Variants in CHUK observed in about 807,000 individuals in gnomAD.
CHUK encodes the protein component of inhibitor of nuclear factor kappa B kinase complex.
A neutral mutation model predicts 104.8 loss-of-function variants in CHUK; 35 were observed. That is an observed-to-expected ratio of 0.33 (90% CI 0.26 to 0.44). CHUK has a LOEUF of 0.44. Ranked by LOEUF, CHUK falls within the 20% of genes least tolerant of loss-of-function variation. The pLI is 1.00. For missense variants in CHUK, 663 were observed against 902.7 expected, an observed-to-expected ratio of 0.73 and a Z score of 3.40; for synonymous variants, 276 against 291.9, an observed-to-expected ratio of 0.95 and a Z score of 0.56.
chr10:100,194,318 A>C (rs1204398171), intron 17 of CHUK, 107 bp downstream of exon 17: 1 of 1,069,228 alleles, frequency 9.4e-7, no homozygotes, highest in African/African-American at 1.6e-5. Context: ...GTACCTTCAG[A>C]ATTCTTCCTG....
chr10:100,200,471 C>A (rs1845435205), intron 15 of CHUK, among the ~76,000 whole-genome samples, 200 bp downstream of exon 15: 1 of 151,952 alleles, frequency 6.6e-6, no homozygotes, highest in Non-Finnish European at 1.5e-5. Context: ...TTATTAAAAA[C>A]CAAAAAAGGC....
At chr10:100,219,609 A>G (rs1442213173) in intron 5 of CHUK, among the ~76,000 whole-genome samples, 2 of 152,226 alleles carry the variant, frequency 1.3e-5, no homozygotes, top group Admixed American at 6.5e-5. Context: ...TTAGGATCCA[A>G]TGAAATAACG....
intron 9 of CHUK, among the ~76,000 whole-genome samples, chr10:100,211,515 A>G (rs1366895383): frequency 2.0e-5 from 3 of 152,146 alleles, no homozygotes; most frequent in East Asian, 3.9e-4. Flanking sequence ...CCTGGCAACT[A>G]TGATGCTATG....
Position 100,188,380 on chromosome 10 carries a change from A to C in CHUK, c.*1218T>G, listed in dbSNP as rs1375678865. 2.0e-5 allele frequency: 3 copies of C among 152,666 alleles called. No homozygotes were observed. The highest frequency in any genetic ancestry group is 1.5e-5 in the Non-Finnish European group (1 of 68,040). The allele number at this position is 152,666 out of a possible 1,614,324, so 9.5% of individuals were successfully genotyped here. On this transcript the variant is annotated 3_prime_UTR_variant, in exon 21 of 21. Transcript: ENST00000370397. The stretch of plus-strand genomic sequence containing the variant: ...AGATCAAGAAAGTAATTTAAAAACC[A>C]TTTAATACACAAAGTGAAAAACTAT...
At chr10:100,221,960 A>G (rs188563228) in intron 4 of CHUK, 152 bp downstream of exon 4, 1 of 578,588 alleles carries the variant, frequency 1.7e-6, no homozygotes, top group East Asian at 3.0e-5. Context: ...TTAATTTAGC[A>G]TCAATAGTAA....
At chr10:100,213,994 T>TA (rs1329957525) in intron 9 of CHUK, among the ~76,000 whole-genome samples, 3 of 152,194 alleles carry the variant, frequency 2.0e-5, no homozygotes, top group Non-Finnish European at 4.4e-5. Flanking sequence ...TCAAAACTGA[T>TA]ACGGATTTGC....
chr10:100,189,041 T>C lies in CHUK; in HGVS notation c.*557A>G, dbSNP rs1366296327. ...GTTAAATTTTCAGTGGAATTTAAAATGATTACACCAACTCCTTATGATGCC... is the reference window on the plus strand; with the variant it reads ...GTTAAATTTTCAGTGGAATTTAAAACGATTACACCAACTCCTTATGATGCC... On this transcript the variant is annotated 3_prime_UTR_variant, in exon 21 of 21. Coordinates refer to ENST00000370397, the MANE Select transcript of CHUK (RefSeq NM_001278.5). The C allele has an allele frequency of 6.5e-6, 1 of 152,764 alleles. No individual in the cohort carries two copies. Among genetic ancestry groups the C allele is most frequent in the Non-Finnish European group, 1.5e-5 (1 of 68,430 alleles). 9.5% of individuals were successfully genotyped at this position (152,764 alleles called of 1,614,324 possible).
chr10:100,188,683 A>C lies in CHUK; in HGVS notation c.*915T>G, dbSNP rs988140689. 6.6e-6 allele frequency: 1 copy of C among 152,268 alleles called. No homozygotes were observed. Among genetic ancestry groups the C allele is most frequent in the Non-Finnish European group, 1.5e-5 (1 of 68,034 alleles). The allele number at this position is 152,268 out of a possible 1,614,324, so 9.4% of individuals were successfully genotyped here. ...GGATAAAAAGATTCAAGGTCAGTTCAGATTAGATTGCAAGCAAATGAATTT... is the reference window on the plus strand; with the variant it reads ...GGATAAAAAGATTCAAGGTCAGTTCCGATTAGATTGCAAGCAAATGAATTT... On this transcript the variant is annotated 3_prime_UTR_variant, in exon 21 of 21. Coordinates refer to ENST00000370397, the MANE Select transcript of CHUK (RefSeq NM_001278.5).
In CHUK at chr10:100,205,077, T is replaced by C; in HGVS notation, c.1354A>G (p.Met452Val). 1 of 1,614,148 alleles carries C rather than the reference T, an allele frequency of 6.2e-7. No individual in the cohort carries two copies. Among genetic ancestry groups the C allele is most frequent in the Non-Finnish European group, 8.5e-7 (1 of 1,179,994 alleles). ...TTATAAACAACAGAATCCACTTACA[T>C]TGCTGCCCTTTGTCCCTGAAAGAGC... ...SRLFQGQRAA[M>V]LSLLRYNANL... The change falls in exon 12 of 21, where the codon ATG becomes GTG. Residue 452 changes from methionine (M) to valine (V), a missense_variant and splice_region_variant. Physicochemically the swap from Met to Val is conservative, Grantham distance 21. This residue lies in a region of CHUK where 311 missense variants were observed against 393.4 expected (regional missense o/e 0.79). Coordinates refer to ENST00000370397, the MANE Select transcript of CHUK (RefSeq NM_001278.5).
intron 9 of CHUK, among the ~76,000 whole-genome samples, chr10:100,213,486 CA>C (rs112195586): frequency 0.1 from 12,768 of 125,672 alleles, 699 homozygotes; most frequent in African/African-American, 0.18. Context: ...ACTCTTATCT[CA>C]AAAAAAAAAA....
intron 9 of CHUK, among the ~76,000 whole-genome samples, chr10:100,215,489 A>C (rs1414911296): frequency 6.6e-6 from 1 of 152,114 alleles, no homozygotes; most frequent in Non-Finnish European, 1.5e-5. Flanking sequence ...GAAGAGACTC[A>C]GAATATAGTT....
chr10:100,209,687 C>T lies in CHUK; in HGVS notation c.1036G>A (p.Gly346Arg), dbSNP rs775436091. 9 of 1,591,696 alleles carry T rather than the reference C, an allele frequency of 5.7e-6. No homozygotes were observed. In the African/African-American group the frequency reaches 1.1e-4, roughly 19 times the overall value. ...SLQSRIERET[G>R]INTGSQELLS... ...AGTTCTTGAGAACCAGTATTTATTC[C>T]AGTTTCACGCTCAATACGAGACTGT... The change falls in exon 10 of 21, where the codon GGA becomes AGA. Residue 346 changes from glycine to arginine, a missense_variant. Transcript: ENST00000370397.
rs755945163 is a variant in CHUK at position 100,200,013 on chromosome 10, G to A, written c.1687C>T (p.Arg563Cys). Residue 563 changes from arginine (R) to cysteine (C), a missense_variant, in exon 16 of 21, where the codon CGT becomes TGT. Arg to Cys is a radical substitution (Grantham distance 180). Transcript: ENST00000370397. ...AACTGCTTATATAGATCAATGGCAC[G>A]CTGTTCCCTATAAAAGAGAAAACAC... ...QGDLMESLEQ[R>C]AIDLYKQLKH... is the part of the protein sequence containing the mutation. 39 of 1,610,802 alleles carry A rather than the reference G, an allele frequency of 2.4e-5. No individual in the cohort carries two copies. In the Admixed American group the frequency reaches 5.0e-4, roughly 21 times the overall value.
At position 100,202,102 on chromosome 10, in the gene CHUK, T is replaced by C. The variant is rs373881321; in HGVS notation, c.1555A>G (p.Ile519Val). Residue 519 changes from isoleucine to valine, a missense_variant, in exon 14 of 21, where the codon ATC becomes GTC. Ile to Val is a conservative substitution (Grantham distance 29, BLOSUM62 3). This residue lies in a region of CHUK where 311 missense variants were observed against 393.4 expected (regional missense o/e 0.79). Transcript: ENST00000370397. ...AATGATTTTACCTCAGCATAGTGGA[T>C]GGCCTTTTCTTCCATTTCTTTCCAT... ...KAWKEMEEKA[I>V]HYAEVGVIGY... 1 of 1,611,846 alleles carries C rather than the reference T, an allele frequency of 6.2e-7. No homozygotes were observed. The highest frequency in any genetic ancestry group is 8.5e-7 in the Non-Finnish European group (1 of 1,178,218).
Position 100,204,670 on chromosome 10 carries a change from A to C in CHUK, c.1356-13T>G, listed in dbSNP as rs1468669271. 6.4e-7 allele frequency: 1 copy of C among 1,572,104 alleles called. No individual in the cohort carries two copies. The highest frequency in any genetic ancestry group is 1.7e-5 in the Admixed American group (1 of 59,312). On this transcript the variant is annotated splice_polypyrimidine_tract_variant and intron_variant, in intron 12 of 20. Coordinates refer to ENST00000370397, the MANE Select transcript of CHUK (RefSeq NM_001278.5). Reference sequence around the variant, plus strand: ...AAGAAGACTTAACCTAAACCACAGCAAGAAAAAAAAGAAAAAGAAAAAAGA... The same window carrying C: ...AAGAAGACTTAACCTAAACCACAGCCAGAAAAAAAAGAAAAAGAAAAAAGA...
intron 1 of CHUK, among the ~76,000 whole-genome samples, chr10:100,227,160 A>G (rs1235998954): frequency 6.6e-6 from 1 of 152,150 alleles, no homozygotes; most frequent in Non-Finnish European, 1.5e-5. Flanking sequence ...CAAAAATCCC[A>G]CTTTGTAAGA....
chr10:100,193,384 T>C lies in CHUK; in HGVS notation c.2022A>G (p.Ala674=). Residue 674 remains alanine, a synonymous_variant, in exon 19 of 21, where the codon GCA becomes GCG. Transcript: ENST00000370397. ...GCCATGCTGATGTCTGAGGGGTTAC[T>C]GCACCTTCTAGACTGGATCCTACAA... The part of the protein sequence containing the change: ...RSLVGSSLEG[A]VTPQTSAWLP... 1 of 1,614,144 alleles carries C rather than the reference T, an allele frequency of 6.2e-7. No homozygotes were observed. Among genetic ancestry groups the C allele is most frequent in the Non-Finnish European group, 8.5e-7 (1 of 1,179,986 alleles).
intron 2 of CHUK, among the ~76,000 whole-genome samples, chr10:100,224,733 G>A (rs747863921): frequency 5.9e-5 from 9 of 152,094 alleles, no homozygotes; most frequent in African/African-American, 1.4e-4. Context: ...CACCACGCCC[G>A]GCCCTAGCTG....
rs1416454983 is a variant in CHUK, at chr10:100,220,646, T to C, written c.416A>G (p.Lys139Arg). Residue 139 changes from lysine (K) to arginine (R), a missense_variant, in exon 5 of 21, where the codon AAA becomes AGA. Physicochemically the swap from Lys to Arg is conservative, Grantham distance 26. This residue lies in a region of CHUK where 200 missense variants were observed against 333.0 expected (regional missense o/e 0.60). Transcript: ENST00000370397. The part of the protein sequence containing the change: ...GSGIRYLHEN[K>R]IIHRDLKPEN... ...AGGTTTTAGATCTCGATGTATAATTTTGTTTTCATGCAAATATCGAATCCC... is the reference window on the plus strand; with the variant it reads ...AGGTTTTAGATCTCGATGTATAATTCTGTTTTCATGCAAATATCGAATCCC... 6.2e-7 allele frequency: 1 copy of C among 1,612,382 alleles called. No homozygotes were observed. Among genetic ancestry groups the C allele is most frequent in the Admixed American group, 1.7e-5 (1 of 60,016 alleles).
Sources: gnomAD v4.1 joint callset for allele counts (sites outside exome capture counted in the v4.1 genomes callset) on GRCh38, gnomAD v4.1.1 for gene constraint, gnomAD v4.1.1 regional missense constraint, MANE v1.5 for transcripts, NCBI Gene and HGNC (gene_info 2026-07-23, HGNC 2026-07-21) for gene names.